Variants in CACNA2D3 observed in about 807,000 individuals in gnomAD.
The protein encoded by CACNA2D3 is calcium voltage-gated channel auxiliary subunit alpha2delta 3.
A neutral mutation model predicts 160.6 loss-of-function variants in CACNA2D3; 60 were observed. The ratio of observed to expected loss-of-function variants is 0.37; its 90% CI spans 0.30 to 0.46. The LOEUF (loss-of-function observed/expected upper bound fraction) is 0.46, where lower values mean the gene tolerates loss of function less well. CACNA2D3 is among the 20% of genes least tolerant of loss of function. The pLI is 1.00. For missense variants in CACNA2D3, 1,205 were observed against 1,365.0 expected, an observed-to-expected ratio of 0.88 and a Z score of 1.85; for synonymous variants, 558 against 492.9, an observed-to-expected ratio of 1.13 and a Z score of -1.75.
chr3:54,598,029 C>T (rs1289664702), intron 9 of CACNA2D3, among the ~76,000 whole-genome samples: 9 of 151,762 alleles, frequency 5.9e-5, no homozygotes, highest in Non-Finnish European at 1.3e-4. Context: ...GTGGCTCATG[C>T]CTGTAATCCC....
chr3:54,914,237 G>T (rs189760768), intron 27 of CACNA2D3, among the ~76,000 whole-genome samples: 12 of 152,102 alleles, frequency 7.9e-5, no homozygotes, highest in Admixed American at 7.2e-4. Flanking sequence ...AATCTCTTAT[G>T]TCAACTCCAG....
chr3:54,818,264 A>T (rs150748765), intron 14 of CACNA2D3, among the ~76,000 whole-genome samples: 1 of 152,172 alleles, frequency 6.6e-6, no homozygotes, highest in Non-Finnish European at 1.5e-5. Context: ...GGCTCACGCA[A>T]TCTCCACCTC....
At chr3:54,687,115 C>CTTTTTCTTTTTTTTTTTT (rs1700463278) in intron 11 of CACNA2D3, among the ~76,000 whole-genome samples, 1 of 40,882 alleles carries the variant, frequency 2.4e-5, no homozygotes, top group African/African-American at 9.5e-5. Context: ...TTTTCTTTTT[C>CTTTTTCTTTTTTTTTTTT]TTTTTCTTTT....
At chr3:54,941,144 G>A (rs1374177080) in intron 27 of CACNA2D3, among the ~76,000 whole-genome samples, 2 of 152,086 alleles carry the variant, frequency 1.3e-5, no homozygotes, top group African/African-American at 4.8e-5. Flanking sequence ...AGGAAATATT[G>A]GCCCCAGTTA....
rs151229789 is a variant in CACNA2D3, at chr3:54,571,514, G to A, written c.888+1410G>A. On this transcript the variant is annotated intron_variant, in intron 8 of 37. Coordinates refer to ENST00000474759, the MANE Select transcript of CACNA2D3 (RefSeq NM_018398.3). Reference sequence around the variant, plus strand: ...TTTTTCTTCTTCCCACTGATTATTTGGTATGATTTTCATCATGCCCCTTAT... The same window carrying A: ...TTTTTCTTCTTCCCACTGATTATTTAGTATGATTTTCATCATGCCCCTTAT... 1.4e-3 allele frequency among the ~76,000 whole-genome samples: 216 copies of A among 151,578 alleles called. 2 individuals carry two copies. Among genetic ancestry groups the A allele is most frequent in the East Asian group, 0.013 (69 of 5,116 alleles).
intron 4 of CACNA2D3, among the ~76,000 whole-genome samples, chr3:54,458,535 T>C (rs982828369): frequency 4.6e-5 from 7 of 151,918 alleles, no homozygotes; most frequent in Non-Finnish European, 1.0e-4. Context: ...AGAAATCTAC[T>C]GATAGTCTAG....
Position 54,233,964 on chromosome 3 carries a change from C to T in CACNA2D3, c.205-86478C>T, listed in dbSNP as rs191114902. Among the ~76,000 whole-genome samples the T allele has an allele frequency of 2.3e-3, 349 of 151,686 alleles. 1 individual carries two copies. Among genetic ancestry groups the T allele is most frequent in the African/African-American group, 7.6e-3 (316 of 41,314 alleles). ...TGGGCATTCATCCTGGACATAGGAA[C>T]GGGCAAAGATTTCATGACAAAGACA... On this transcript the variant is annotated intron_variant, in intron 2 of 37. Coordinates refer to ENST00000474759, the MANE Select transcript of CACNA2D3 (RefSeq NM_018398.3).
intron 4 of CACNA2D3, among the ~76,000 whole-genome samples, chr3:54,426,390 T>C (rs1183161268): frequency 1.3e-5 from 2 of 152,246 alleles, no homozygotes; most frequent in African/African-American, 2.4e-5. Context: ...AATATTTGCC[T>C]TTCCACTCCT....
intron 13 of CACNA2D3, among the ~76,000 whole-genome samples, chr3:54,806,489 CT>C (rs1309972809): frequency 6.6e-6 from 1 of 152,032 alleles, no homozygotes; most frequent in African/African-American, 2.4e-5. Flanking sequence ...AGGAATCCAA[CT>C]TACAAGGGAT....
intron 8 of CACNA2D3, among the ~76,000 whole-genome samples, chr3:54,574,181 T>TA (rs1336322620): frequency 1.3e-5 from 2 of 152,126 alleles, no homozygotes; most frequent in Non-Finnish European, 2.9e-5. Flanking sequence ...CTCACTGTTT[T>TA]AGAGGAAAAG....
At chr3:54,519,272 A>G (rs546232272) in intron 5 of CACNA2D3, among the ~76,000 whole-genome samples, 1 of 152,344 alleles carries the variant, frequency 6.6e-6, no homozygotes, top group African/African-American at 2.4e-5. Context: ...TGGTGTTAAC[A>G]GTAATGACTT....
chr3:54,439,755 C>T (rs1357269042), intron 4 of CACNA2D3, among the ~76,000 whole-genome samples: 1 of 152,134 alleles, frequency 6.6e-6, no homozygotes, highest in Non-Finnish European at 1.5e-5. Flanking sequence ...CTAGGAAATA[C>T]ACTTTCCTCA....
intron 4 of CACNA2D3, among the ~76,000 whole-genome samples, chr3:54,406,111 G>T (rs979327674): frequency 6.6e-6 from 1 of 152,088 alleles, no homozygotes; most frequent in Non-Finnish European, 1.5e-5. Context: ...ATAGATTGGT[G>T]TAGCCATTAT....
chr3:54,869,553 G>C (rs1268189153), intron 17 of CACNA2D3, among the ~76,000 whole-genome samples: 3 of 152,214 alleles, frequency 2.0e-5, no homozygotes, highest in Non-Finnish European at 2.9e-5. Context: ...TTTAGATCCA[G>C]TATCAGGCTA....
chr3:54,871,905 C>G (rs1559611756), intron 18 of CACNA2D3, among the ~76,000 whole-genome samples: 1 of 152,252 alleles, frequency 6.6e-6, no homozygotes, highest in African/African-American at 2.4e-5. Context: ...ATGACTCCAG[C>G]CTTCTTCCCA....
rs77472964 is a variant in CACNA2D3 at position 54,306,127 on chromosome 3, G to A, written c.205-14315G>A. Among the ~76,000 whole-genome samples, 852 of 152,206 alleles carry A rather than the reference G, an allele frequency of 5.6e-3. 8 individuals are homozygous for A. The highest frequency in any genetic ancestry group is 0.031 in the South Asian group (148 of 4,808). On this transcript the variant is annotated intron_variant, in intron 2 of 37. Coordinates refer to ENST00000474759, the MANE Select transcript of CACNA2D3 (RefSeq NM_018398.3). ...TTGAAAAAAGTCATTCTGAGGAGGGGTCCATGGGCTTCATTGGATACCAGA... is the reference window on the plus strand; with the variant it reads ...TTGAAAAAAGTCATTCTGAGGAGGGATCCATGGGCTTCATTGGATACCAGA...
Position 54,122,747 on chromosome 3 carries a change from C to CG in CACNA2D3, c.40dup (p.Ala14GlyfsTer46), listed in dbSNP as rs1477361405. 9 of 1,219,204 alleles carry CG rather than the reference C, an allele frequency of 7.4e-6. No individual in the cohort carries two copies. Among genetic ancestry groups the CG allele is most frequent in the Non-Finnish European group, 9.2e-6 (9 of 977,934 alleles). The allele number at this position is 1,219,204 out of a possible 1,614,324, so 75.5% of individuals were successfully genotyped here. A position where few individuals can be genotyped will look rare whatever the true frequency, so the allele number is the denominator to read the frequency against. ...GCCGGGCTCGCCGCGCCGCGCGTCC[C>CG]GGGGGGCCTCGGCGCTTCTCGCTGC... On this transcript the variant is annotated frameshift_variant, in exon 1 of 38. Transcript: ENST00000474759. LOFTEE classifies it high-confidence loss of function.
chr3:54,728,856 C>T (rs1389565747), intron 11 of CACNA2D3, among the ~76,000 whole-genome samples: 2 of 152,172 alleles, frequency 1.3e-5, no homozygotes, highest in Non-Finnish European at 2.9e-5. Context: ...TGATTTCCCA[C>T]CATTTTATGA....
chr3:54,879,625 G>C (rs899082595), intron 20 of CACNA2D3, among the ~76,000 whole-genome samples: 1 of 152,192 alleles, frequency 6.6e-6, no homozygotes, highest in Non-Finnish European at 1.5e-5. Flanking sequence ...CACTCAATCT[G>C]CCATGGCTTT....
Sources: gnomAD v4.1 joint callset for allele counts (sites outside exome capture counted in the v4.1 genomes callset) on GRCh38, gnomAD v4.1.1 for gene constraint, MANE v1.5 for transcripts, NCBI Gene and HGNC (gene_info 2026-07-23, HGNC 2026-07-21) for gene names.